Variants in P4HA1 observed in about 807,000 individuals in gnomAD.
P4HA1 encodes the protein prolyl 4-hydroxylase subunit alpha 1.
In P4HA1, 24 loss-of-function variants were observed where a neutral mutation model predicts 72.8. The ratio of observed to expected loss-of-function variants is 0.33; its 90% CI spans 0.24 to 0.46. The LOEUF (loss-of-function observed/expected upper bound fraction) is 0.46, where lower values mean the gene tolerates loss of function less well. Ranked by LOEUF, P4HA1 falls within the 20% of genes least tolerant of loss-of-function variation. P4HA1 has a pLI of 1.00. For missense variants in P4HA1, 446 were observed against 640.6 expected, an observed-to-expected ratio of 0.70 and a Z score of 3.28; for synonymous variants, 201 against 218.8, an observed-to-expected ratio of 0.92 and a Z score of 0.72.
In P4HA1 at chr10:73,037,163, A is replaced by G. The variant is rs371726295; in HGVS notation, c.1149-6793T>C. On this transcript the variant is annotated intron_variant, in intron 9 of 14. Transcript: ENST00000394890. ...AAGAACTATTTCTTCAGATAACTTT[A>G]TATGTGTCCTTTTTTTTCCATTAAA... Among the ~76,000 whole-genome samples, 16 of 152,186 alleles carry G rather than the reference A, an allele frequency of 1.1e-4. No individual in the cohort carries two copies. In the South Asian group the frequency reaches 2.5e-3, roughly 24 times the overall value.
At chr10:73,091,994 C>A (rs1842040783) in intron 1 of P4HA1, among the ~76,000 whole-genome samples, 1 of 152,172 alleles carries the variant, frequency 6.6e-6, no homozygotes, top group South Asian at 2.1e-4. Flanking sequence ...TCATCCCTCC[C>A]AAGGCTATTC....
At chr10:73,086,825 T>C (rs1232509804) in intron 1 of P4HA1, among the ~76,000 whole-genome samples, 1 of 150,274 alleles carries the variant, frequency 6.7e-6, no homozygotes, top group Non-Finnish European at 1.5e-5. Flanking sequence ...TCCCAGCTAC[T>C]TGGGAGGCTG....
At chr10:73,058,448 G>A (rs987657518) in intron 5 of P4HA1, among the ~76,000 whole-genome samples, 3 of 152,258 alleles carry the variant, frequency 2.0e-5, no homozygotes, top group Admixed American at 6.5e-5. Flanking sequence ...GCTATGACAC[G>A]CATAGCATTC....
At chr10:73,032,708 C>T (rs1333815319) in intron 9 of P4HA1, among the ~76,000 whole-genome samples, 1 of 152,230 alleles carries the variant, frequency 6.6e-6, no homozygotes, top group African/African-American at 2.4e-5. Context: ...TTTAGAGAAG[C>T]TTTCCTTTAC....
At chr10:73,083,344 C>CT (rs1589628519) in intron 1 of P4HA1, among the ~76,000 whole-genome samples, 2 of 152,314 alleles carry the variant, frequency 1.3e-5, no homozygotes, top group East Asian at 3.9e-4. Flanking sequence ...ATCACGCTAG[C>CT]TTCTTTCCCT....
Position 73,074,864 on chromosome 10 carries a change from A to G in P4HA1, c.20T>C (p.Ile7Thr). 6.5e-7 allele frequency: 1 copy of G among 1,532,062 alleles called. No individual in the cohort carries two copies. Among genetic ancestry groups the G allele is most frequent in the Non-Finnish European group, 9.0e-7 (1 of 1,106,422 alleles). 94.9% of individuals were successfully genotyped at this position (1,532,062 alleles called of 1,614,324 possible). A position where few individuals can be genotyped will look rare whatever the true frequency, so the allele number is the denominator to read the frequency against. Residue 7 changes from isoleucine (I) to threonine (T), a missense_variant, in exon 2 of 15, where the codon ATT becomes ACT. Coordinates refer to ENST00000394890, the MANE Select transcript of P4HA1 (RefSeq NM_001017962.3). ...AGACTGGGGAAGCAGAATTCCTATA[A>G]TTAATATATACCAGATCATCTTGGA... MIWYILIIGILLPQSLA... is the reference protein window; with the variant it reads MIWYILTIGILLPQSLA...
Position 73,038,622 on chromosome 10 carries a change from CTTTTTTTTTTTTT to C in P4HA1, c.1148+6346_1148+6358del, listed in dbSNP as rs745518781. Among the ~76,000 whole-genome samples the C allele has an allele frequency of 3.7e-5, 4 of 108,822 alleles. 2 individuals carry two copies. The highest frequency in any genetic ancestry group is 1.6e-4 in the African/African-American group (4 of 25,076). The allele number at this position is 108,822 out of a possible 152,430, so 71.4% of individuals were successfully genotyped here. ...AGTAAATTCTTAGGGTTTTTATTTG[CTTTTTTTTTTTTT>C]TTTTTTTTTGAGACGGAGTCTCGCT... On this transcript the variant is annotated intron_variant, in intron 9 of 14. Coordinates refer to ENST00000394890, the MANE Select transcript of P4HA1 (RefSeq NM_001017962.3).
intron 9 of P4HA1, among the ~76,000 whole-genome samples, chr10:73,036,219 T>C (rs1840572708): frequency 6.6e-6 from 1 of 151,764 alleles, no homozygotes; most frequent in Non-Finnish European, 1.5e-5. Context: ...GATGAAGGGT[T>C]TGAGGCTTAG....
chr10:73,045,737 C>T lies in P4HA1; in HGVS notation c.1078-686G>A, dbSNP rs75835280. On this transcript the variant is annotated intron_variant, in intron 8 of 14. Transcript: ENST00000394890. ...TTTTATTGCCATTAAATTTATTGATCAAAAACAATCCAAATTGAGGAATCT... is the reference window on the plus strand; with the variant it reads ...TTTTATTGCCATTAAATTTATTGATTAAAAACAATCCAAATTGAGGAATCT... Among the ~76,000 whole-genome samples the T allele has an allele frequency of 2.4e-4, 37 of 151,700 alleles. 1 individual carries two copies. In the East Asian group the frequency reaches 7.0e-3, roughly 29 times the overall value.
chr10:73,026,994 T>C (rs1252163437), intron 10 of P4HA1, among the ~76,000 whole-genome samples: 3 of 152,298 alleles, frequency 2.0e-5, no homozygotes, highest in Non-Finnish European at 4.4e-5. Flanking sequence ...TTTTACACTG[T>C]TGGTGGGAGT....
intron 12 of P4HA1, among the ~76,000 whole-genome samples, chr10:73,013,922 G>T (rs900715437): frequency 1.3e-5 from 2 of 151,976 alleles, no homozygotes; most frequent in African/African-American, 2.4e-5. Context: ...CAAATATATA[G>T]AGATTTTTAT....
intron 7 of P4HA1, among the ~76,000 whole-genome samples, chr10:73,049,798 C>T (rs779581238): frequency 1.3e-5 from 2 of 152,248 alleles, no homozygotes; most frequent in South Asian, 4.1e-4. Flanking sequence ...AGCAAAACTA[C>T]AAGGGATTAT....
At chr10:73,062,322 T>A (rs1396102913) in intron 5 of P4HA1, among the ~76,000 whole-genome samples, 1 of 152,124 alleles carries the variant, frequency 6.6e-6, no homozygotes, top group Non-Finnish European at 1.5e-5. Flanking sequence ...CCTACAGGGC[T>A]CTTTTTATGC....
At chr10:73,076,975 G>A (rs1005478828) in intron 1 of P4HA1, among the ~76,000 whole-genome samples, 8 of 152,184 alleles carry the variant, frequency 5.3e-5, no homozygotes, top group African/African-American at 1.7e-4. Flanking sequence ...ACAAAAACTG[G>A]AAGTACTCCC....
intron 9 of P4HA1, among the ~76,000 whole-genome samples, chr10:73,033,726 TACTC>T (rs1368815221): frequency 1.3e-5 from 2 of 152,158 alleles, no homozygotes; most frequent in Non-Finnish European, 1.5e-5. Context: ...TAAAACGAAT[TACTC>T]AAGATGGATC....
chr10:73,052,066 A>C (rs1841033573), intron 6 of P4HA1, among the ~76,000 whole-genome samples: 1 of 152,172 alleles, frequency 6.6e-6, no homozygotes, highest in South Asian at 2.1e-4. Context: ...GTAAGAAGGA[A>C]AAGGGAAACT....
chr10:73,082,191 G>C (rs1841839546), intron 1 of P4HA1, among the ~76,000 whole-genome samples: 1 of 152,186 alleles, frequency 6.6e-6, no homozygotes, highest in Admixed American at 6.5e-5. Context: ...TTTAAGGTGT[G>C]CTAGGCTAAG....
intron 7 of P4HA1, among the ~76,000 whole-genome samples, chr10:73,049,204 A>C (rs1180760316): frequency 6.6e-6 from 1 of 152,200 alleles, no homozygotes; most frequent in Non-Finnish European, 1.5e-5. Flanking sequence ...CTAGGACTCC[A>C]TGAACCTATC....
intron 10 of P4HA1, among the ~76,000 whole-genome samples, chr10:73,024,128 A>T (rs1286317364): frequency 6.6e-6 from 1 of 152,190 alleles, no homozygotes; most frequent in Non-Finnish European, 1.5e-5. Flanking sequence ...GCTCTGCACT[A>T]AGCAGACCAT....
Sources: allele counts gnomAD v4.1 joint callset (sites outside exome capture counted in the v4.1 genomes callset), GRCh38; gene constraint gnomAD v4.1.1; transcripts MANE v1.5; gene names NCBI Gene and HGNC (gene_info 2026-07-23, HGNC 2026-07-21).